Variants in FHIT observed in about 807,000 individuals in gnomAD.
The protein encoded by FHIT is fragile histidine triad diadenosine triphosphatase, also known as bis(5'-adenosyl)-triphosphatase.
In FHIT, 19 loss-of-function variants were observed where a neutral mutation model predicts 17.9. The observed-to-expected ratio is 1.06, with a 90% CI of 0.74 to 1.56. The LOEUF is 1.56. FHIT is among the 40% of genes most tolerant of loss of function. The probability of loss-of-function intolerance (pLI) is 0.00; values close to 1 mark genes in which losing one functional copy is unlikely to be tolerated. For synonymous variants in FHIT, 81 were observed against 69.7 expected, an observed-to-expected ratio of 1.16 and a Z score of -0.81; for missense variants, 248 against 189.2, an observed-to-expected ratio of 1.31 and a Z score of -1.82.
intron 3 of FHIT, among the ~76,000 whole-genome samples, chr3:60,962,335 G>A (rs1709496134): frequency 6.6e-6 from 1 of 152,214 alleles, no homozygotes; most frequent in Non-Finnish European, 1.5e-5. Context: ...TTTGGGCTGA[G>A]ATGATGGGGA....
At chr3:59,968,133 T>C (rs1262160108) in intron 7 of FHIT, among the ~76,000 whole-genome samples, 1 of 152,038 alleles carries the variant, frequency 6.6e-6, no homozygotes, top group Admixed American at 6.6e-5. Context: ...ACCTATCTTT[T>C]TAGGGAGGCA....
intron 5 of FHIT, among the ~76,000 whole-genome samples, chr3:60,267,078 G>A (rs1706613498): frequency 1.3e-5 from 2 of 151,936 alleles, no homozygotes; most frequent in Non-Finnish European, 2.9e-5. Context: ...AAGAGCGTGT[G>A]CAATAGAAGT....
chr3:60,109,238 A>T (rs996603927), intron 5 of FHIT, among the ~76,000 whole-genome samples: 3 of 152,188 alleles, frequency 2.0e-5, no homozygotes, highest in Admixed American at 2.0e-4. Flanking sequence ...CTGATTTTCT[A>T]ACTTCAGCAT....
intron 3 of FHIT, among the ~76,000 whole-genome samples, chr3:60,826,621 G>A (rs1248975532): frequency 2.6e-5 from 4 of 152,168 alleles, no homozygotes; most frequent in African/African-American, 9.7e-5. Flanking sequence ...CTAGCAGACT[G>A]TCTCAGCGTG....
At chr3:60,057,632 C>T (rs1290086610) in intron 5 of FHIT, among the ~76,000 whole-genome samples, 1 of 151,504 alleles carries the variant, frequency 6.6e-6, no homozygotes. Context: ...GGTCTTAATG[C>T]TTGAAGTTTA....
intron 3 of FHIT, among the ~76,000 whole-genome samples, chr3:60,846,079 G>A (rs1702915926): frequency 6.6e-6 from 1 of 152,086 alleles, no homozygotes; most frequent in African/African-American, 2.4e-5. Flanking sequence ...CCAGAAAAAC[G>A]TGGACTGAAC....
chr3:59,937,587 G>A (rs1706305011), intron 7 of FHIT, among the ~76,000 whole-genome samples: 1 of 152,152 alleles, frequency 6.6e-6, no homozygotes, highest in African/African-American at 2.4e-5. Context: ...ATTGGAGCAA[G>A]GAGCTAAGAG....
chr3:60,627,715 G>A lies in FHIT; in HGVS notation c.-17-90736C>T, dbSNP rs1164703388. Among the ~76,000 whole-genome samples, 9 of 152,176 alleles carry A rather than the reference G, an allele frequency of 5.9e-5. No individual in the cohort carries two copies. The East Asian group carries it at 1.4e-3, about 23-fold the overall frequency. ...ATTTTCGTATTTTTAGTAGAGACGG[G>A]GTGTCACCATATTGGCCAGGCTAGT... On this transcript the variant is annotated intron_variant, in intron 4 of 9. Coordinates refer to ENST00000492590, the MANE Select transcript of FHIT (RefSeq NM_002012.4).
chr3:59,751,381 T>G, intron 9 of FHIT: 1 of 186,762 alleles, frequency 5.4e-6, no homozygotes, highest in Non-Finnish European at 1.1e-5. Context: ...GTTGGGATTA[T>G]AGGCATGAGC....
At chr3:60,791,351 T>G (rs1700770744) in intron 4 of FHIT, among the ~76,000 whole-genome samples, 2 of 152,178 alleles carry the variant, frequency 1.3e-5, no homozygotes, top group African/African-American at 4.8e-5. Flanking sequence ...AAGAAAAAGT[T>G]AAATTATAAA....
At chr3:61,159,340 T>C (rs908941757) in intron 2 of FHIT, among the ~76,000 whole-genome samples, 1 of 152,156 alleles carries the variant, frequency 6.6e-6, no homozygotes, top group African/African-American at 2.4e-5. Flanking sequence ...AGGCAAATTA[T>C]AAAAGTTCCC....
At chr3:59,989,077 C>T (rs139334427) in intron 7 of FHIT, among the ~76,000 whole-genome samples, 1 of 151,978 alleles carries the variant, frequency 6.6e-6, no homozygotes, top group Non-Finnish European at 1.5e-5. Context: ...TAAAGAGGTT[C>T]TGGGAAGGGG....
chr3:59,826,483 C>T (rs1700982938), intron 8 of FHIT, among the ~76,000 whole-genome samples: 1 of 152,144 alleles, frequency 6.6e-6, no homozygotes, highest in Non-Finnish European at 1.5e-5. Context: ...AGAACATAAG[C>T]TCCTCTCACC....
At chr3:59,945,092 T>C (rs55728186) in intron 7 of FHIT, among the ~76,000 whole-genome samples, 11,747 of 152,200 alleles carry the variant, frequency 0.077, 574 homozygotes, top group Admixed American at 0.13. Context: ...AGTTGAGAAA[T>C]TGCCAAACAA....
chr3:59,799,909 C>T (rs924957596), intron 8 of FHIT, among the ~76,000 whole-genome samples: 4 of 152,086 alleles, frequency 2.6e-5, no homozygotes, highest in Non-Finnish European at 5.9e-5. Flanking sequence ...TTGGAGATTG[C>T]TCAGATATTG....
intron 1 of FHIT, among the ~76,000 whole-genome samples, chr3:61,214,701 C>T (rs1018566783): frequency 6.6e-6 from 1 of 152,116 alleles, no homozygotes; most frequent in Admixed American, 6.5e-5. Context: ...AGAGACACAA[C>T]CAAAAGAGAG....
intron 5 of FHIT, among the ~76,000 whole-genome samples, chr3:60,369,166 T>C (rs1487967052): frequency 1.3e-5 from 2 of 150,024 alleles, no homozygotes; most frequent in Non-Finnish European, 3.0e-5. Flanking sequence ...AGAGGGGGTC[T>C]CTCACCATGT....
At chr3:60,127,498 G>T (rs1197677767) in intron 5 of FHIT, among the ~76,000 whole-genome samples, 3 of 152,068 alleles carry the variant, frequency 2.0e-5, no homozygotes, top group Non-Finnish European at 4.4e-5. Flanking sequence ...AACTCCCCAT[G>T]ATATGAACCT....
chr3:60,131,634 T>G (rs111509654), intron 5 of FHIT, among the ~76,000 whole-genome samples: 47 of 152,192 alleles, frequency 3.1e-4, no homozygotes, highest in African/African-American at 9.9e-4. Flanking sequence ...ATATGTCTCC[T>G]TCTCTTTTGC....
Sources: allele counts gnomAD v4.1 joint callset (sites outside exome capture counted in the v4.1 genomes callset), GRCh38; gene constraint gnomAD v4.1.1; transcripts MANE v1.5; gene names NCBI Gene and HGNC (gene_info 2026-07-23, HGNC 2026-07-21).